Variants in PRRC2B observed in about 807,000 individuals in gnomAD.
PRRC2B encodes the protein proline rich coiled-coil 2B.
A neutral mutation model predicts 242.3 loss-of-function variants in PRRC2B; 68 were observed. That is an observed-to-expected ratio of 0.28 (90% CI 0.23 to 0.34). PRRC2B has a LOEUF of 0.34. PRRC2B is among the 10% of genes least tolerant of loss of function. The probability of loss-of-function intolerance (pLI) is 1.00; values close to 1 mark genes in which losing one functional copy is unlikely to be tolerated. For synonymous variants in PRRC2B, 1,228 were observed against 1,173.6 expected (o/e 1.05, Z -0.95); for missense variants, 2,835 against 2,954.8 (o/e 0.96, Z 0.94).
chr9:131,465,066 G>A lies in PRRC2B; in HGVS notation c.1708G>A (p.Ala570Thr), dbSNP rs1368899916. The change falls in exon 12 of 32, where the codon GCT becomes ACT. Residue 570 changes from alanine to threonine, a missense_variant. By Grantham distance (58) the Ala-to-Thr change is moderately conservative. Transcript: ENST00000683519. ...EKASPQENGP[A>T]VHKGSPEFPA... Reference sequence around the variant, plus strand: ...GGCATCTCCCCAGGAAAACGGCCCTGCTGTCCACAAAGGTAAGAGCTGGGC... The same window carrying A: ...GGCATCTCCCCAGGAAAACGGCCCTACTGTCCACAAAGGTAAGAGCTGGGC... The A allele has an allele frequency of 6.2e-7, 1 of 1,613,020 alleles. No homozygotes were observed. The highest frequency in any genetic ancestry group is 8.5e-7 in the Non-Finnish European group (1 of 1,179,228).
rs201876463 is a variant in PRRC2B, at chr9:131,492,228, A to C, written c.6441A>C (p.Ser2147=). ...HFADSKQNVP[S]GGPVPSPQTY... ...CCGACAGTAAACAGAATGTCCCTTC[A>C]GGAGGCCCCGTGCCATCGCCACAGA... The change falls in exon 30 of 32, where the codon TCA becomes TCC. Residue 2147 remains serine (S), a synonymous_variant. Transcript: ENST00000683519. 2.4e-5 allele frequency: 38 copies of C among 1,613,776 alleles called. No homozygotes were observed. Among genetic ancestry groups the C allele is most frequent in the Non-Finnish European group, 3.1e-5 (37 of 1,179,852 alleles).
upstream of PRRC2B, among the ~76,000 whole-genome samples, chr9:131,392,056 C>T (rs1387284393): frequency 6.6e-6 from 1 of 151,260 alleles, no homozygotes; most frequent in Admixed American, 6.6e-5. Flanking sequence ...AATAAAGAAT[C>T]TGAGGCTTCA....
Position 131,420,451 on chromosome 9 carries a change from CTTTTTCTT to C in PRRC2B, c.-51-9641_-51-9634del, listed in dbSNP as rs1158297956. On this transcript the variant is annotated intron_variant, in intron 1 of 31. Transcript: ENST00000683519. Reference sequence around the variant, plus strand: ...GCTTTTCTTTTTTCTTTTTCTTTTTCTTTTTCTTTCTTTCTTTCTTTCTTTCTTTCTTT... The same window carrying C: ...GCTTTTCTTTTTTCTTTTTCTTTTTCTCTTTCTTTCTTTCTTTCTTTCTTT... Among the ~76,000 whole-genome samples, 39 of 44,384 alleles carry C rather than the reference CTTTTTCTT, an allele frequency of 8.8e-4. 5 individuals are homozygous for C. Among genetic ancestry groups the C allele is most frequent in the African/African-American group, 2.3e-3 (30 of 12,834 alleles). 29.1% of individuals were successfully genotyped at this position (44,384 alleles called of 152,430 possible).
At chr9:131,444,946 C>T (rs529588523) in intron 6 of PRRC2B, among the ~76,000 whole-genome samples, 2 of 152,146 alleles carry the variant, frequency 1.3e-5, no homozygotes, top group Non-Finnish European at 2.9e-5. Context: ...TCCACGTGTT[C>T]TACTCAGGGA....
chr9:131,439,076 G>GT lies in PRRC2B; in HGVS notation c.469+16dup, dbSNP rs1435386647. On this transcript the variant is annotated intron_variant, in intron 5 of 31. Coordinates refer to ENST00000683519, the MANE Select transcript of PRRC2B (RefSeq NM_013318.4). ...ACACGAAGGTGGTAAGTGCGCACGT[G>GT]TGTGTGTTGTTTGGGGACGCTGGGG... 1 of 1,612,132 alleles carries GT rather than the reference G, an allele frequency of 6.2e-7. No individual in the cohort carries two copies. Among genetic ancestry groups the GT allele is most frequent in the South Asian group, 1.1e-5 (1 of 90,858 alleles).
chr9:131,480,943 T>G (rs1169882168), intron 19 of PRRC2B, among the ~76,000 whole-genome samples: 3 of 151,712 alleles, frequency 2.0e-5, no homozygotes, highest in Admixed American at 1.3e-4. Flanking sequence ...GGCCAAGGCT[T>G]GAAGATCACT....
intron 9 of PRRC2B, among the ~76,000 whole-genome samples, chr9:131,454,010 A>C (rs1942999594): frequency 6.6e-6 from 1 of 152,190 alleles, no homozygotes; most frequent in Non-Finnish European, 1.5e-5. Context: ...AAAGAAACCC[A>C]ATACCTGTTG....
chr9:131,461,606 A>C lies in PRRC2B; in HGVS notation c.1404+2250A>C, dbSNP rs552281929. On this transcript the variant is annotated intron_variant, in intron 11 of 31. Transcript: ENST00000683519. ...CGCCAGGCTGGAGTGCGGTGGCGTA[A>C]TCTTGGCTCAGTGCAACCTCTGCCT... is the stretch of plus-strand genomic sequence containing the variant. Among the ~76,000 whole-genome samples, 13 of 152,236 alleles carry C rather than the reference A, an allele frequency of 8.5e-5. No individual in the cohort carries two copies. The South Asian group carries it at 2.7e-3, about 32-fold the overall frequency.
chr9:131,447,275 G>A (rs946569810), intron 8 of PRRC2B, 69 bp downstream of exon 8: 107 of 1,580,012 alleles, frequency 6.8e-5, no homozygotes, highest in Non-Finnish European at 8.5e-5. Flanking sequence ...AAGATGAGGG[G>A]CTGATGAATA....
At chr9:131,462,517 C>G (rs143481544) in intron 11 of PRRC2B, among the ~76,000 whole-genome samples, 9 of 151,446 alleles carry the variant, frequency 5.9e-5, no homozygotes, top group Admixed American at 2.6e-4. Context: ...CTGGCCTCTT[C>G]TGACTGAATT....
chr9:131,483,399 C>T lies in PRRC2B; in HGVS notation c.5414C>T (p.Pro1805Leu). Residue 1805 changes from proline (P) to leucine (L), a missense_variant, in exon 23 of 32, where the codon CCT becomes CTT. Pro to Leu is a moderately conservative substitution (Grantham distance 98). Around this residue, in one of 7 missense-constraint regions of PRRC2B, gnomAD observed 574 missense variants for 626.0 expected, o/e 0.92. Coordinates refer to ENST00000683519, the MANE Select transcript of PRRC2B (RefSeq NM_013318.4). ...TTGCCACCTGGTTCTGCCTCTGGTC[C>T]TACTGGGAGTCCAGTTGTTAAACTT... ...FSLPPGSASG[P>L]TGSPVVKLQD... The T allele has an allele frequency of 6.2e-7, 1 of 1,613,936 alleles. No homozygotes were observed. The highest frequency in any genetic ancestry group is 8.5e-7 in the Non-Finnish European group (1 of 1,179,896).
In PRRC2B at chr9:131,475,003, G is replaced by C. The variant is rs1352691084; in HGVS notation, c.2874G>C (p.Glu958Asp). 6.2e-7 allele frequency: 1 copy of C among 1,603,098 alleles called. No homozygotes were observed. The highest frequency in any genetic ancestry group is 8.5e-7 in the Non-Finnish European group (1 of 1,174,914). ...KALKVEDKEKELEKIKQELGE... is the reference protein window; with the variant it reads ...KALKVEDKEKDLEKIKQELGE... ...TCAAGGTGGAAGACAAGGAGAAGGA[G>C]CTTGAGAAGATTAAGCAGGAGCTAG... is the stretch of plus-strand genomic sequence containing the variant. The change falls in exon 16 of 32, where the codon GAG (glutamate) becomes GAC (aspartate). Residue 958 changes from glutamate (E) to aspartate (D), a missense_variant. Around this residue, in one of 7 missense-constraint regions of PRRC2B, gnomAD observed 1,536 missense variants for 1,483.1 expected, o/e 1.04. Coordinates refer to ENST00000683519, the MANE Select transcript of PRRC2B (RefSeq NM_013318.4).
intron 1 of PRRC2B, among the ~76,000 whole-genome samples, chr9:131,380,640 A>C (rs1836744642): frequency 6.6e-6 from 1 of 151,746 alleles, no homozygotes; most frequent in Non-Finnish European, 1.5e-5. Flanking sequence ...AGCACTTTGG[A>C]GGCTGAGGCG....
At chr9:131,418,078 G>A (rs1047320773) in intron 1 of PRRC2B, among the ~76,000 whole-genome samples, 1 of 152,210 alleles carries the variant, frequency 6.6e-6, no homozygotes, top group Non-Finnish European at 1.5e-5. Flanking sequence ...CCAAAGCCCC[G>A]GAGGCAGAGA....
rs750367632 is a variant in PRRC2B, at chr9:131,482,266, G to A, written c.4984-105G>A. ...CAAGATCAGGACCAGACTTGGCAAGGGACAGGCAGCTGGGGTAGAAAAGTC... is the reference window on the plus strand; with the variant it reads ...CAAGATCAGGACCAGACTTGGCAAGAGACAGGCAGCTGGGGTAGAAAAGTC... On this transcript the variant is annotated intron_variant, in intron 20 of 31. Transcript: ENST00000683519. This position sits in a 1 kb window ranked among gnomAD's most constrained non-coding sequence, Gnocchi z 5.2. 13 of 1,287,844 alleles carry A rather than the reference G, an allele frequency of 1.0e-5. No individual in the cohort carries two copies. In the South Asian group the frequency reaches 1.0e-4, roughly 10 times the overall value. The allele number at this position is 1,287,844 out of a possible 1,614,324, so 79.8% of individuals were successfully genotyped here. A position where few individuals can be genotyped will look rare whatever the true frequency, so the allele number is the denominator to read the frequency against.
At chr9:131,412,890 C>G (rs895417484) in intron 1 of PRRC2B, among the ~76,000 whole-genome samples, 9 of 149,178 alleles carry the variant, frequency 6.0e-5, no homozygotes, top group African/African-American at 2.0e-4. Flanking sequence ...AACTCCTGGG[C>G]TCAGGAGATC....
intron 23 of PRRC2B, among the ~76,000 whole-genome samples, chr9:131,484,342 G>C (rs1183242346): frequency 6.6e-6 from 1 of 152,190 alleles, no homozygotes; most frequent in African/African-American, 2.4e-5. Context: ...GGCTCTCCCT[G>C]TCTGGAGGGC....
chr9:131,490,059 T>C (rs1014152516), intron 28 of PRRC2B, among the ~76,000 whole-genome samples: 9 of 152,146 alleles, frequency 5.9e-5, no homozygotes, highest in Admixed American at 4.6e-4. Flanking sequence ...CAAATGGACA[T>C]CTTTAGCTCA....
intron 14 of PRRC2B, among the ~76,000 whole-genome samples, chr9:131,472,477 T>A (rs1247603272): frequency 7.0e-6 from 1 of 143,286 alleles, no homozygotes; most frequent in East Asian, 2.0e-4. Context: ...GCTAATTTTT[T>A]TTTTTTTTTT....
Sources: gnomAD v4.1 joint callset for allele counts (sites outside exome capture counted in the v4.1 genomes callset) on GRCh38, gnomAD v4.1.1 for gene constraint, gnomAD v4.1.1 regional missense constraint, Gnocchi (gnomAD v3.1) non-coding constraint, MANE v1.5 for transcripts, NCBI Gene and HGNC (gene_info 2026-07-23, HGNC 2026-07-21) for gene names.